CKAP2: variants seen among roughly 807,000 people sequenced by gnomAD.
CKAP2 encodes cytoskeleton-associated protein 2.
In CKAP2, 46 loss-of-function variants were observed where a neutral mutation model predicts 58.4. The ratio of observed to expected loss-of-function variants is 0.79; its 90% CI spans 0.62 to 1.01. The LOEUF (loss-of-function observed/expected upper bound fraction) is 1.01. CKAP2 is among the 50% of genes least tolerant of loss of function. The pLI is 0.00. For synonymous variants in CKAP2, 293 were observed against 280.9 expected, an observed-to-expected ratio of 1.04 and a Z score of -0.43; for missense variants, 809 against 796.4, an observed-to-expected ratio of 1.02 and a Z score of -0.19.
At chr13:52,457,083 G>T (rs1049781326) in intron 2 of CKAP2, among the ~76,000 whole-genome samples, 1 of 152,070 alleles carries the variant, frequency 6.6e-6, no homozygotes, top group Admixed American at 6.6e-5. Context: ...TTTAAACAGA[G>T]ACCGGGTTTC....
Position 52,476,444 on chromosome 13 carries a change from G to A in CKAP2, c.*1303G>A, listed in dbSNP as rs895363593. 6.6e-6 allele frequency: 1 copy of A among 152,148 alleles called. No homozygotes were observed. The highest frequency in any genetic ancestry group is 2.4e-5 in the African/African-American group (1 of 41,432). The allele number at this position is 152,148 out of a possible 1,614,324, so 9.4% of individuals were successfully genotyped here. A position where few individuals can be genotyped will look rare whatever the true frequency, so the allele number is the denominator to read the frequency against. Reference sequence around the variant, plus strand: ...GCTTTGCTTTTGAAATACATTGTAAGATTTGACTTGAGGTTTTTGACACTT... The same window carrying A: ...GCTTTGCTTTTGAAATACATTGTAAAATTTGACTTGAGGTTTTTGACACTT... On this transcript the variant is annotated 3_prime_UTR_variant, in exon 9 of 9. Coordinates refer to ENST00000258607, the MANE Select transcript of CKAP2 (RefSeq NM_018204.5).
At chr13:52,456,199 T>G in intron 1 of CKAP2, 5 of 1,059,810 alleles carry the variant, frequency 4.7e-6, no homozygotes, top group Non-Finnish European at 5.7e-6. Context: ...AACTTTCGAG[T>G]CTAGTGCCTC....
chr13:52,473,002 C>T (rs1262018002), intron 7 of CKAP2, among the ~76,000 whole-genome samples: 1 of 151,740 alleles, frequency 6.6e-6, no homozygotes, highest in African/African-American at 2.4e-5. Context: ...AAGATTATGC[C>T]ACTGCACTCC....
At position 52,455,598 on chromosome 13, in the gene CKAP2, G is replaced by A. The variant is rs1279148270; in HGVS notation, c.42G>A (p.Pro14=). 1.9e-6 allele frequency: 3 copies of A among 1,611,984 alleles called. No individual in the cohort carries two copies. The highest frequency in any genetic ancestry group is 2.5e-6 in the Non-Finnish European group (3 of 1,179,482). The change falls in exon 1 of 9, where the codon CCG becomes CCA. Residue 14 remains proline, a synonymous_variant. Coordinates refer to ENST00000258607, the MANE Select transcript of CKAP2 (RefSeq NM_018204.5). ...PAVPQDLQLP[P]SQRAQSAFKE... ...TGCCCCAGGACCTGCAGCTGCCCCC[G>A]AGTCAGAGGGCGCAGTCCGCATTCA...
At position 52,462,568 on chromosome 13, in the gene CKAP2, G is replaced by GTA; in HGVS notation, c.1305+2_1305+3dup. On this transcript the variant is annotated splice_donor_variant, in intron 5 of 8. Transcript: ENST00000258607. LOFTEE classifies it high-confidence loss of function. ...TGAATGCCTGAACTTGATTAATGAG[G>GTA]TAGAGTCTTTATATTTGCTTAGCAT... 1 of 1,607,792 alleles carries GTA rather than the reference G, an allele frequency of 6.2e-7. No homozygotes were observed. Among genetic ancestry groups the GTA allele is most frequent in the Non-Finnish European group, 8.5e-7 (1 of 1,177,020 alleles).
intron 6 of CKAP2, among the ~76,000 whole-genome samples, chr13:52,467,100 C>CAAA (rs34473477): frequency 4.5e-5 from 5 of 110,656 alleles, no homozygotes; most frequent in African/African-American, 1.8e-4. Flanking sequence ...CACCCTGTCT[C>CAAA]AAAAAAAAAA....
chr13:52,463,175 T>TG (rs1355246126), intron 5 of CKAP2, among the ~76,000 whole-genome samples: 9 of 152,208 alleles, frequency 5.9e-5, no homozygotes, highest in Admixed American at 5.9e-4. Flanking sequence ...TGACCTCATG[T>TG]GATCCACCCA....
At chr13:52,470,693 G>T (rs569797440) in intron 7 of CKAP2, among the ~76,000 whole-genome samples, 2 of 152,220 alleles carry the variant, frequency 1.3e-5, no homozygotes, top group Admixed American at 1.3e-4. Context: ...GTTCATCATG[G>T]ATTATTTCAA....
Position 52,461,748 on chromosome 13 carries a change from A to T in CKAP2, c.922A>T (p.Ile308Leu). ...SVKTSSSQGI[I>L]RNKTLSRSIA... The stretch of plus-strand genomic sequence containing the variant: ...CAAAACCAGTTCTTCTCAAGGTATA[A>T]TAAGAAATAAGACTCTATCAAGATC... Residue 308 changes from isoleucine to leucine, a missense_variant, in exon 4 of 9, where the codon ATA becomes TTA. By Grantham distance (5) the Ile-to-Leu change is conservative (BLOSUM62 2). Around this residue, in one of 3 missense-constraint regions of CKAP2, gnomAD observed 523 missense variants for 492.4 expected, o/e 1.06. Coordinates refer to ENST00000258607, the MANE Select transcript of CKAP2 (RefSeq NM_018204.5). The T allele has an allele frequency of 6.2e-7, 1 of 1,613,886 alleles. No homozygotes were observed. The highest frequency in any genetic ancestry group is 8.5e-7 in the Non-Finnish European group (1 of 1,179,826).
chr13:52,462,802 TA>T (rs1280106450), intron 5 of CKAP2, among the ~76,000 whole-genome samples: 1 of 152,236 alleles, frequency 6.6e-6, no homozygotes, highest in Non-Finnish European at 1.5e-5. Context: ...TGAGTTCATA[TA>T]AATATACAGG....
At position 52,473,940 on chromosome 13, in the gene CKAP2, A is replaced by G. The variant is rs766427017; in HGVS notation, c.1658A>G (p.His553Arg). Residue 553 changes from histidine (H) to arginine (R), a missense_variant, in exon 8 of 9, where the codon CAT becomes CGT. This residue lies in a region of CKAP2 where 283 missense variants were observed against 287.6 expected (regional missense o/e 0.98). Transcript: ENST00000258607. ...PEKLEMESKL[H>R]RNLLFQDCEK... ...AAACTGGAAATGGAGAGTAAACTTC[A>G]TAGAAATTTGCTATTTCAAGATTGT... 5 of 1,614,048 alleles carry G rather than the reference A, an allele frequency of 3.1e-6. No homozygotes were observed. The highest frequency in any genetic ancestry group is 2.2e-5 in the East Asian group (1 of 44,868).
rs200166848 is a variant in CKAP2 at position 52,474,929 on chromosome 13, T to G, written c.1837T>G (p.Ser613Ala). ...KKKVQFDGTN[S>A]AFKELKFLTP... ...AAAGGTGCAGTTTGATGGAACAAAT[T>G]CCGCATTTAAAGAGCTGAAGTTTTT... The change falls in exon 9 of 9, where the codon TCC becomes GCC. Residue 613 changes from serine to alanine, a missense_variant. This residue lies in a region of CKAP2 where 283 missense variants were observed against 287.6 expected (regional missense o/e 0.98). Coordinates refer to ENST00000258607, the MANE Select transcript of CKAP2 (RefSeq NM_018204.5). The G allele has an allele frequency of 7.1e-5, 114 of 1,611,080 alleles. No homozygotes were observed. Among genetic ancestry groups the G allele is most frequent in the Admixed American group, 2.0e-4 (12 of 59,958 alleles).
intron 7 of CKAP2, among the ~76,000 whole-genome samples, chr13:52,469,567 A>G (rs935935110): frequency 6.6e-6 from 1 of 151,780 alleles, no homozygotes; most frequent in Admixed American, 6.6e-5. Flanking sequence ...GGACCATTGA[A>G]TGAAATAATA....
intron 1 of CKAP2, chr13:52,456,241 T>C: frequency 6.1e-6 from 6 of 979,860 alleles, no homozygotes; most frequent in Non-Finnish European, 7.7e-6. Flanking sequence ...AAAGCTTGGC[T>C]AGCAGGAGCT....
chr13:52,464,693 A>G (rs1958638216), intron 5 of CKAP2, among the ~76,000 whole-genome samples: 1 of 152,000 alleles, frequency 6.6e-6, no homozygotes, highest in African/African-American at 2.4e-5. Context: ...TCTGTTTAAT[A>G]ATAGATAATA....
intron 7 of CKAP2, among the ~76,000 whole-genome samples, chr13:52,468,646 G>C (rs957747089): frequency 2.0e-5 from 3 of 152,150 alleles, no homozygotes; most frequent in East Asian, 1.9e-4. Context: ...TTAGTTTTCT[G>C]TTCCTGTGTT....
At chr13:52,466,789 A>G (rs1165232227) in intron 6 of CKAP2, among the ~76,000 whole-genome samples, 1 of 152,102 alleles carries the variant, frequency 6.6e-6, no homozygotes, top group African/African-American at 2.4e-5. Context: ...CCTGGGCAAC[A>G]TAGACCCCAT....
chr13:52,461,093 CA>C lies in CKAP2; in HGVS notation c.272del (p.Asn91IlefsTer12), dbSNP rs1260365801. 1 of 1,603,508 alleles carries C rather than the reference CA, an allele frequency of 6.2e-7. No individual in the cohort carries two copies. Among genetic ancestry groups the C allele is most frequent in the Admixed American group, 1.7e-5 (1 of 57,372 alleles). On this transcript the variant is annotated frameshift_variant, in exon 4 of 9. Transcript: ENST00000258607. LOFTEE classifies it high-confidence loss of function. ...AAAACATGAAGAGACCTGCAGAGAG[CA>C]AAAATAATACAGTGGTGGGGAAACA... ...KENMKRPAES[K>X]NNTVVGKHCI...
At chr13:52,466,926 C>T (rs1220906187) in intron 6 of CKAP2, among the ~76,000 whole-genome samples, 2 of 151,794 alleles carry the variant, frequency 1.3e-5, no homozygotes, top group Admixed American at 6.6e-5. Context: ...TGAGACCCCC[C>T]ATCTCTGCAA....
Sources: gnomAD v4.1 joint callset for allele counts (sites outside exome capture counted in the v4.1 genomes callset) on GRCh38, gnomAD v4.1.1 for gene constraint, gnomAD v4.1.1 regional missense constraint, MANE v1.5 for transcripts, NCBI Gene and HGNC (gene_info 2026-07-23, HGNC 2026-07-21) for gene names.